SPINT1: variants seen among roughly 807,000 people sequenced by gnomAD.
SPINT1 encodes the protein kunitz-type protease inhibitor 1.
Under a neutral mutation model 53.7 loss-of-function variants are expected in SPINT1, and 38 were observed. The observed-to-expected ratio is 0.71, with a 90% confidence interval of 0.55 to 0.93. The LOEUF is 0.93. SPINT1 is among the 40% of genes least tolerant of loss of function. The probability of loss-of-function intolerance (pLI) is 0.00; values close to 1 mark genes in which losing one functional copy is unlikely to be tolerated. For synonymous variants in SPINT1, 283 were observed against 280.6 expected, an observed-to-expected ratio of 1.01 and a Z score of -0.08; for missense variants, 645 against 692.9, an observed-to-expected ratio of 0.93 and a Z score of 0.78.
chr15:40,856,794 T>C lies in SPINT1; in HGVS notation c.1361T>C (p.Val454Ala), dbSNP rs747016519. 1 of 1,614,074 alleles carries C rather than the reference T, an allele frequency of 6.2e-7. No homozygotes were observed. The highest frequency in any genetic ancestry group is 8.5e-7 in the Non-Finnish European group (1 of 1,180,034). Residue 454 changes from valine to alanine, a missense_variant, in exon 11 of 11, where the codon GTG (valine) becomes GCG (alanine). Transcript: ENST00000562057. ...STGSVEMAVAVFLVICIVVVV... is the reference protein window; with the variant it reads ...STGSVEMAVAAFLVICIVVVV... ...GGCTCTGTGGAGATGGCTGTCGCAGTGTTCCTGGTCATCTGCATTGTGGTG... is the reference window on the plus strand; with the variant it reads ...GGCTCTGTGGAGATGGCTGTCGCAGCGTTCCTGGTCATCTGCATTGTGGTG...
chr15:40,847,521 C>T (rs1891329661), intron 2 of SPINT1, among the ~76,000 whole-genome samples: 1 of 152,166 alleles, frequency 6.6e-6, no homozygotes, highest in African/African-American at 2.4e-5. Flanking sequence ...GCTTGCACTT[C>T]CTCTTCTCCC....
intron 8 of SPINT1, 30 bp downstream of exon 8, chr15:40,854,719 G>C: frequency 1.9e-6 from 3 of 1,613,484 alleles, no homozygotes; most frequent in Non-Finnish European, 2.5e-6. Flanking sequence ...CCCTGGATCA[G>C]GGCAGACGCT....
intron 2 of SPINT1, among the ~76,000 whole-genome samples, chr15:40,846,753 G>A (rs1891311062): frequency 6.6e-6 from 1 of 152,162 alleles, no homozygotes; most frequent in African/African-American, 2.4e-5. Flanking sequence ...TAGTCTCTCT[G>A]CCAGGCTAAG....
At chr15:40,849,829 G>C (rs1192430729) in intron 2 of SPINT1, among the ~76,000 whole-genome samples, 1 of 147,298 alleles carries the variant, frequency 6.8e-6, no homozygotes, top group Non-Finnish European at 1.5e-5. Context: ...GGTTTTGAAG[G>C]TACATCATGG....
chr15:40,853,907 G>A (rs1891544283), intron 5 of SPINT1, 26 bp downstream of exon 5: 3 of 1,613,968 alleles, frequency 1.9e-6, no homozygotes, highest in South Asian at 1.1e-5. Flanking sequence ...GCAGCTCTGG[G>A]GCTCAGGCGA....
rs1596156567 is a variant in SPINT1 at position 40,856,764 on chromosome 15, C to T, written c.1337-6C>T. ...GAGCCCCTTATTCTACCCCTTCTTCCCCCAGGCTCTGTGGAGATGGCTGTC... is the reference window on the plus strand; with the variant it reads ...GAGCCCCTTATTCTACCCCTTCTTCTCCCAGGCTCTGTGGAGATGGCTGTC... On this transcript the variant is annotated splice_region_variant and splice_polypyrimidine_tract_variant and intron_variant, in intron 10 of 10. Coordinates refer to ENST00000562057, the MANE Select transcript of SPINT1 (RefSeq NM_003710.4). 6.2e-7 allele frequency: 1 copy of T among 1,614,044 alleles called. No homozygotes were observed. The highest frequency in any genetic ancestry group is 8.5e-7 in the Non-Finnish European group (1 of 1,180,014).
intron 2 of SPINT1, among the ~76,000 whole-genome samples, chr15:40,849,013 G>A (rs690165): frequency 0.58 from 87,565 of 150,666 alleles, 29,477 homozygotes; most frequent in East Asian, 0.74. Context: ...TTGGGAGGCC[G>A]GGGCGGGCGG....
chr15:40,856,695 C>A, intron 10 of SPINT1, 75 bp from the exon 11 acceptor site: 5 of 1,597,158 alleles, frequency 3.1e-6, no homozygotes, highest in Non-Finnish European at 4.3e-6. Context: ...GACTTGGTCT[C>A]TTCCATAGAT....
At chr15:40,853,279 G>A (rs548507647) in intron 3 of SPINT1, 28 bp downstream of exon 3, 14 of 1,613,342 alleles carry the variant, frequency 8.7e-6, no homozygotes, top group African/African-American at 6.7e-5. Context: ...CTCTGACCCC[G>A]CCCTCTGCCT....
At position 40,856,337 on chromosome 15, in the gene SPINT1, T is replaced by A; in HGVS notation, c.1336+14T>A. 1 of 1,614,160 alleles carries A rather than the reference T, an allele frequency of 6.2e-7. No individual in the cohort carries two copies. Among genetic ancestry groups the A allele is most frequent in the South Asian group, 1.1e-5 (1 of 91,080 alleles). On this transcript the variant is annotated intron_variant, in intron 10 of 10. Coordinates refer to ENST00000562057, the MANE Select transcript of SPINT1 (RefSeq NM_003710.4). ...TTCCCAGCACAGGTAAGCCCTGATCTGTCCTGTAACTGAGGTTAGCATGTA... is the reference window on the plus strand; with the variant it reads ...TTCCCAGCACAGGTAAGCCCTGATCAGTCCTGTAACTGAGGTTAGCATGTA...
chr15:40,851,923 A>C (rs1002768305), intron 2 of SPINT1, among the ~76,000 whole-genome samples: 9 of 152,230 alleles, frequency 5.9e-5, no homozygotes, highest in African/African-American at 1.7e-4. Flanking sequence ...CGGGAGGCTG[A>C]GGCAGGAGAA....
At chr15:40,845,722 T>A (rs1402896162) in intron 2 of SPINT1, among the ~76,000 whole-genome samples, 1 of 152,160 alleles carries the variant, frequency 6.6e-6, no homozygotes, top group East Asian at 1.9e-4. Flanking sequence ...ACTCCTGACC[T>A]CTGGCACTGA....
Position 40,844,583 on chromosome 15 carries a change from C to T in SPINT1, c.29C>T (p.Ala10Val), listed in dbSNP as rs1347184248. The T allele has an allele frequency of 1.9e-6, 3 of 1,609,428 alleles. No homozygotes were observed. Among genetic ancestry groups the T allele is most frequent in the East Asian group, 2.2e-5 (1 of 44,688 alleles). MAPARTMAR[A>V]RLAPAGIPAV... ...GCCCCTGCGAGGACGATGGCCCGCG[C>T]CCGCCTCGCCCCGGCCGGCATCCCT... Residue 10 changes from alanine (A) to valine (V), a missense_variant, in exon 2 of 11, where the codon GCC becomes GTC. Coordinates refer to ENST00000562057, the MANE Select transcript of SPINT1 (RefSeq NM_003710.4). This position sits in a 1 kb window ranked among gnomAD's most constrained non-coding sequence, Gnocchi z 5.8.
chr15:40,855,796 G>C, intron 8 of SPINT1, 96 bp from the exon 9 acceptor site: 1 of 1,368,666 alleles, frequency 7.3e-7, no homozygotes, highest in Non-Finnish European at 1.0e-6. Flanking sequence ...AGCCATGGCA[G>C]GTGGGGAGGT....
chr15:40,845,076 G>A, intron 2 of SPINT1, 47 bp downstream of exon 2: 1 of 1,502,290 alleles, frequency 6.7e-7, no homozygotes, highest in Non-Finnish European at 9.0e-7. Flanking sequence ...CTCAAAAAAG[G>A]GACTGGTTAT....
intron 8 of SPINT1, 49 bp from the exon 9 acceptor site, chr15:40,855,843 G>T: frequency 6.4e-7 from 1 of 1,572,218 alleles, no homozygotes; most frequent in Middle Eastern, 1.7e-4. Context: ...GCAGAAGGTG[G>T]CAGGGAGGCC....
At chr15:40,852,629 G>C (rs1027486229) in intron 2 of SPINT1, among the ~76,000 whole-genome samples, 18 of 138,432 alleles carry the variant, frequency 1.3e-4, no homozygotes, top group South Asian at 2.3e-4. Flanking sequence ...GTAAGTGTCT[G>C]TGTGTGTGTG....
chr15:40,853,906 G>T, intron 5 of SPINT1, 25 bp downstream of exon 5: 1 of 1,614,104 alleles, frequency 6.2e-7, no homozygotes, highest in Non-Finnish European at 8.5e-7. Context: ...GGCAGCTCTG[G>T]GGCTCAGGCG....
At chr15:40,856,470 C>T in intron 10 of SPINT1, 147 bp downstream of exon 10, 1 of 1,076,238 alleles carries the variant, frequency 9.3e-7, no homozygotes, top group South Asian at 1.4e-5. Flanking sequence ...ATGGGGATGC[C>T]TGCCACACAC....
Sources: gnomAD v4.1 joint callset for allele counts (sites outside exome capture counted in the v4.1 genomes callset) on GRCh38, gnomAD v4.1.1 for gene constraint, Gnocchi (gnomAD v3.1) non-coding constraint, MANE v1.5 for transcripts, NCBI Gene and HGNC (gene_info 2026-07-23, HGNC 2026-07-21) for gene names.